Variants in PCDHGA5 observed in about 807,000 individuals in gnomAD.
The protein encoded by PCDHGA5 is protocadherin gamma-A5.
In PCDHGA5, 36 loss-of-function variants were observed where a neutral mutation model predicts 56.7. The observed-to-expected ratio is 0.64, with a 90% confidence interval of 0.49 to 0.84. The LOEUF (loss-of-function observed/expected upper bound fraction) is 0.84, where lower values mean the gene tolerates loss of function less well. Ranked by LOEUF, PCDHGA5 falls within the 40% of genes least tolerant of loss-of-function variation. The pLI is 0.00. For synonymous variants in PCDHGA5, 563 were observed against 520.2 expected (o/e 1.08, Z -1.12); for missense variants, 1,305 against 1,201.5 (o/e 1.09, Z -1.27).
At chr5:141,371,051 G>T in intron 1 of PCDHGA5, 1 of 1,613,960 alleles carries the variant, frequency 6.2e-7, no homozygotes, top group Non-Finnish European at 8.5e-7. Flanking sequence ...ATGGGGGCGA[G>T]CCCTCCAGAA....
At chr5:141,484,639 C>A (rs1366750263) in intron 1 of PCDHGA5, among the ~76,000 whole-genome samples, 1 of 151,938 alleles carries the variant, frequency 6.6e-6, no homozygotes, top group Non-Finnish European at 1.5e-5. Context: ...AGTGACCACT[C>A]TCCAATGGCT....
chr5:141,366,780 C>G (rs1764797585), intron 1 of PCDHGA5, 29 bp downstream of exon 1: 1 of 1,584,650 alleles, frequency 6.3e-7, no homozygotes, highest in African/African-American at 1.4e-5. Flanking sequence ...TAAGGATGAC[C>G]AGAACATTTT....
At chr5:141,372,359 A>T in intron 1 of PCDHGA5, 1 of 1,613,954 alleles carries the variant, frequency 6.2e-7, no homozygotes, top group Non-Finnish European at 8.5e-7. Flanking sequence ...AGCCTCTTTC[A>T]GCCACCGTCA....
At chr5:141,467,055 C>CTTTTTTTTTTT (rs1193465269) in intron 1 of PCDHGA5, among the ~76,000 whole-genome samples, 1 of 134,498 alleles carries the variant, frequency 7.4e-6, no homozygotes, top group Non-Finnish European at 1.6e-5. Context: ...TCAATGTTTT[C>CTTTTTTTTTTT]TTTTTTTTTT....
intron 1 of PCDHGA5, among the ~76,000 whole-genome samples, chr5:141,445,441 C>G (rs1201825256): frequency 6.6e-6 from 1 of 152,152 alleles, no homozygotes; most frequent in East Asian, 1.9e-4. Context: ...GACCTATGGA[C>G]TAAGGATGCA....
Position 141,385,179 on chromosome 5 carries a change from C to T in PCDHGA5, c.2421+18428C>T, listed in dbSNP as rs1270655942. The T allele has an allele frequency of 7.4e-6, 12 of 1,614,194 alleles. No homozygotes were observed. In the South Asian group the frequency reaches 1.2e-4, roughly 16 times the overall value. On this transcript the variant is annotated intron_variant, in intron 1 of 3. Transcript: ENST00000518069. ...CCTATTCCCATGAGGTCTCCCTCAC[C>T]GCGGACTCTCGGAAGAGTCACCTGA...
chr5:141,397,841 C>A (rs996938995), intron 1 of PCDHGA5: 31 of 520,424 alleles, frequency 6.0e-5, no homozygotes, highest in Middle Eastern at 4.9e-4. Context: ...AACTTGAAGC[C>A]GCAGAGGCTG....
intron 1 of PCDHGA5, chr5:141,375,976 C>T: frequency 6.2e-7 from 1 of 1,613,390 alleles, no homozygotes; most frequent in South Asian, 1.1e-5. Context: ...CGGCGCGCGC[C>T]CTGCTGGACA....
Position 141,487,650 on chromosome 5 carries a change from G to T in PCDHGA5, c.2422-7157G>T, listed in dbSNP as rs772715932. The T allele has an allele frequency of 6.8e-6, 11 of 1,613,876 alleles. No individual in the cohort carries two copies. Among genetic ancestry groups the T allele is most frequent in the Admixed American group, 1.7e-5 (1 of 59,978 alleles). On this transcript the variant is annotated intron_variant, in intron 1 of 3. Coordinates refer to ENST00000518069, the MANE Select transcript of PCDHGA5 (RefSeq NM_018918.3). This position sits in a 1 kb window ranked among gnomAD's most constrained non-coding sequence, Gnocchi z 5.0. ...TTGCAGGCTCAACAAATGCTTGAGG[G>T]TTATTCTGATCCAGGCATATGGCTA...
intron 1 of PCDHGA5, chr5:141,398,674 A>T: frequency 6.2e-7 from 1 of 1,614,010 alleles, no homozygotes; most frequent in Non-Finnish European, 8.5e-7. Context: ...ATTAATAATT[A>T]AGGAGAAACA....
chr5:141,417,905 G>A (rs1462731893), intron 1 of PCDHGA5: 1 of 1,593,646 alleles, frequency 6.3e-7, no homozygotes, highest in Admixed American at 1.8e-5. Flanking sequence ...CCCGCGGCAG[G>A]TACTATTTCC....
rs2099883887 is a variant in PCDHGA5, at chr5:141,511,641, ACC to A, written c.*469_*470del. 4.4e-6 allele frequency: 1 copy of A among 224,930 alleles called. No homozygotes were observed. Among genetic ancestry groups the A allele is most frequent in the Non-Finnish European group, 9.1e-6 (1 of 110,428 alleles). 13.9% of individuals were successfully genotyped at this position (224,930 alleles called of 1,614,324 possible). A position where few individuals can be genotyped will look rare whatever the true frequency, so the allele number is the denominator to read the frequency against. ...TCTGAAAAGTTGGAAGGGCATCATG[ACC>A]TCTTGGCCTCTCCTTTGATTCTCAA... On this transcript the variant is annotated 3_prime_UTR_variant, in exon 4 of 4. Coordinates refer to ENST00000518069, the MANE Select transcript of PCDHGA5 (RefSeq NM_018918.3).
intron 1 of PCDHGA5, among the ~76,000 whole-genome samples, chr5:141,480,672 T>A (rs1053078255): frequency 2.0e-5 from 3 of 152,166 alleles, no homozygotes; most frequent in African/African-American, 7.2e-5. Context: ...CCTAGAGACC[T>A]TTTAAAAATT....
intron 1 of PCDHGA5, chr5:141,423,157 G>T: frequency 1.9e-6 from 3 of 1,610,820 alleles, no homozygotes; most frequent in East Asian, 2.2e-5. Context: ...GCAGAGCCTC[G>T]TGGTGGCCGT....
At chr5:141,497,691 C>T (rs2099778682) in intron 2 of PCDHGA5, among the ~76,000 whole-genome samples, 1 of 152,066 alleles carries the variant, frequency 6.6e-6, no homozygotes, top group African/African-American at 2.4e-5. Flanking sequence ...AGGTGTGCAC[C>T]ACCACACCCA....
chr5:141,413,256 A>G (rs1255086187), intron 1 of PCDHGA5: 2 of 1,613,946 alleles, frequency 1.2e-6, no homozygotes, highest in Admixed American at 1.7e-5. Context: ...TCGGGATTCC[A>G]TGGGAGGCTG....
intron 1 of PCDHGA5, among the ~76,000 whole-genome samples, chr5:141,401,290 C>T (rs1460193254): frequency 6.6e-6 from 1 of 151,710 alleles, no homozygotes; most frequent in Non-Finnish European, 1.5e-5. Flanking sequence ...TGCGGTGAGC[C>T]GAGATCACTC....
chr5:141,496,338 G>A (rs1011495959), intron 2 of PCDHGA5, among the ~76,000 whole-genome samples: 5 of 152,230 alleles, frequency 3.3e-5, no homozygotes, highest in African/African-American at 9.6e-5. Flanking sequence ...TCAGGAGCCT[G>A]GAGGAGTCTC....
chr5:141,419,698 G>A, intron 1 of PCDHGA5: 1 of 1,612,978 alleles, frequency 6.2e-7, no homozygotes, highest in Non-Finnish European at 8.5e-7. Context: ...AGGCCAGTGA[G>A]CCCGGGCTCT....
Sources: allele counts gnomAD v4.1 joint callset (sites outside exome capture counted in the v4.1 genomes callset), GRCh38; gene constraint gnomAD v4.1.1; non-coding constraint Gnocchi (gnomAD v3.1); transcripts MANE v1.5; gene names NCBI Gene and HGNC (gene_info 2026-07-23, HGNC 2026-07-21).